The following AHCTF1 variants were observed in gnomAD, a reference collection of about 807,000 sequenced individuals.
The protein encoded by AHCTF1 is AT-hook containing transcription factor 1.
AHCTF1 carries 24 observed loss-of-function variants against 248.4 expected under a neutral mutation model. The observed-to-expected ratio is 0.10, with a 90% CI of 0.07 to 0.14. AHCTF1 has a LOEUF of 0.14. AHCTF1 is among the 10% of genes least tolerant of loss of function. The probability of loss-of-function intolerance (pLI) is 1.00; values close to 1 mark genes in which losing one functional copy is unlikely to be tolerated. For synonymous variants in AHCTF1, 786 were observed against 929.8 expected (o/e 0.85, Z 2.81); for missense variants, 2,206 against 2,636.2 (o/e 0.84, Z 3.57).
In AHCTF1 at chr1:246,857,758, C is replaced by T; in HGVS notation, c.4189G>A (p.Glu1397Lys). ...DLLVAAEAFSELNHLSPVQGT... is the reference protein window; with the variant it reads ...DLLVAAEAFSKLNHLSPVQGT... ...TGAACCGGGCTTAAGTGATTCAATT[C>T]TGAAAATGCCTCTGCTGCAACTAAG... The change falls in exon 30 of 36, where the codon GAA becomes AAA. Residue 1397 changes from glutamate to lysine, a missense_variant. By Grantham distance (56) the Glu-to-Lys change is moderately conservative. This residue lies in a region of AHCTF1 where 955 missense variants were observed against 1,055.6 expected (regional missense o/e 0.90). Coordinates refer to ENST00000648844, the MANE Select transcript of AHCTF1 (RefSeq NM_001323342.2). 6.2e-7 allele frequency: 1 copy of T among 1,613,852 alleles called. No homozygotes were observed. The highest frequency in any genetic ancestry group is 8.5e-7 in the Non-Finnish European group (1 of 1,179,828).
chr1:246,891,972 T>C (rs1008710545), intron 14 of AHCTF1, 53 bp from the exon 15 acceptor site: 3 of 1,529,186 alleles, frequency 2.0e-6, no homozygotes, highest in Non-Finnish European at 2.6e-6. Context: ...CTAAATAAAT[T>C]AGAATCACAA....
chr1:246,860,923 G>T lies in AHCTF1; in HGVS notation c.4108C>A (p.Pro1370Thr), dbSNP rs764885624. ...CCCATTTGTTTCTGTAGGTCTGAAG[G>T]AGTTACTTCTGATGCAAATACATCT... ...DKDVFASEVTPSDLQKQMGNL... is the reference protein window; with the variant it reads ...DKDVFASEVTTSDLQKQMGNL... Residue 1370 changes from proline (P) to threonine (T), a missense_variant, in exon 29 of 36, where the codon CCT (proline) becomes ACT (threonine). This residue lies in a region of AHCTF1 where 955 missense variants were observed against 1,055.6 expected (regional missense o/e 0.90). Transcript: ENST00000648844. 4 of 1,611,146 alleles carry T rather than the reference G, an allele frequency of 2.5e-6. No individual in the cohort carries two copies. The Admixed American group carries it at 6.7e-5, about 27-fold the overall frequency.
intron 8 of AHCTF1, among the ~76,000 whole-genome samples, chr1:246,901,594 A>G (rs529419649): frequency 2.8e-4 from 42 of 152,280 alleles, no homozygotes; most frequent in African/African-American, 7.2e-4. Flanking sequence ...ACTGCACTGG[A>G]CAGAGCGAGA....
chr1:246,841,447 TTATATG>T (rs1659856141), intron 35 of AHCTF1, among the ~76,000 whole-genome samples: 1 of 152,146 alleles, frequency 6.6e-6, no homozygotes, highest in African/African-American at 2.4e-5. Flanking sequence ...ATACGCCAGT[TTATATG>T]TAAACAGTGG....
chr1:246,851,308 G>A lies in AHCTF1; in HGVS notation c.4698C>T (p.Asp1566=). 6.2e-7 allele frequency: 1 copy of A among 1,614,058 alleles called. No homozygotes were observed. Among genetic ancestry groups the A allele is most frequent in the Middle Eastern group, 1.7e-4 (1 of 6,052 alleles). ...CAGCAGTGTCTTTGTTATCAGCTAA[G>A]TCACAAAACTGTTGGTCAATAGTAT... ...NFDTIDQQFC[D]LADNKDTAEC... The change falls in exon 33 of 36, where the codon GAC becomes GAT. Residue 1566 remains aspartate, a synonymous_variant. Transcript: ENST00000648844.
intron 1 of AHCTF1, among the ~76,000 whole-genome samples, chr1:246,923,414 A>AAAAT (rs545047099): frequency 2.0e-5 from 3 of 152,052 alleles, no homozygotes; most frequent in African/African-American, 4.8e-5. Context: ...CTCTGTCCCA[A>AAAAT]AAATAAATAA....
At chr1:246,879,124 G>GA (rs1663207238) in intron 21 of AHCTF1, among the ~76,000 whole-genome samples, 1 of 151,906 alleles carries the variant, frequency 6.6e-6, no homozygotes, top group Non-Finnish European at 1.5e-5. Flanking sequence ...AAATCAGTAA[G>GA]AAAAATCCCA....
At chr1:246,881,863 A>C (rs575381379) in intron 21 of AHCTF1, among the ~76,000 whole-genome samples, 1,547 of 143,438 alleles carry the variant, frequency 0.011, 34 homozygotes, top group African/African-American at 0.036. Context: ...AAAAAAAAAC[A>C]AAAAAAAAAG....
intron 1 of AHCTF1, among the ~76,000 whole-genome samples, chr1:246,927,157 G>T (rs560191260): frequency 7.1e-4 from 107 of 150,222 alleles, no homozygotes; most frequent in Non-Finnish European, 1.5e-3. Flanking sequence ...CAGCCTGGGC[G>T]ACAGAGCGAG....
At chr1:246,916,585 T>G (rs1010696393) in intron 2 of AHCTF1, among the ~76,000 whole-genome samples, 190 bp from the exon 3 acceptor site, 1 of 152,028 alleles carries the variant, frequency 6.6e-6, no homozygotes, top group African/African-American at 2.4e-5. Flanking sequence ...ACCTGGGAGG[T>G]GGAGCTTGGA....
Position 246,848,547 on chromosome 1 carries a change from T to G in AHCTF1, c.6391+1068A>C, listed in dbSNP as rs533988088. ...AGGTCCTGAACTGCTTTGCTGAAAT[T>G]CAAATATTAAACTGTAACTTAAATA... On this transcript the variant is annotated intron_variant, in intron 33 of 35. Transcript: ENST00000648844. Among the ~76,000 whole-genome samples the G allele has an allele frequency of 5.3e-5, 8 of 150,392 alleles. No homozygotes were observed. In the East Asian group the frequency reaches 1.6e-3, roughly 30 times the overall value.
At chr1:246,927,110 G>A (rs1314714069) in intron 1 of AHCTF1, among the ~76,000 whole-genome samples, 3 of 151,846 alleles carry the variant, frequency 2.0e-5, no homozygotes, top group African/African-American at 4.8e-5. Context: ...CCCGGGAGGC[G>A]GAGCTTGCAG....
chr1:246,882,219 G>C (rs975063142), intron 21 of AHCTF1, among the ~76,000 whole-genome samples: 1 of 151,106 alleles, frequency 6.6e-6, no homozygotes, highest in African/African-American at 2.4e-5. Flanking sequence ...GGATGGTCTC[G>C]ATCTCCTGAC....
At chr1:246,884,739 A>C (rs1203736179) in intron 21 of AHCTF1, among the ~76,000 whole-genome samples, 1 of 152,230 alleles carries the variant, frequency 6.6e-6, no homozygotes, top group Non-Finnish European at 1.5e-5. Context: ...GGCAGAAACA[A>C]AGGTATCACT....
intron 24 of AHCTF1, 80 bp from the exon 25 acceptor site, chr1:246,867,891 A>ACACC (rs1385275742): frequency 6.0e-6 from 2 of 332,388 alleles, no homozygotes; most frequent in African/African-American, 1.5e-4. Context: ...GAATGATTAC[A>ACACC]CCCCCCCCCC....
rs1779976 is a variant in AHCTF1 at position 246,888,139 on chromosome 1, G to C, written c.2325+38C>G. 3.1e-6 allele frequency: 5 copies of C among 1,590,618 alleles called. No individual in the cohort carries two copies. The South Asian group carries it at 5.6e-5, about 18-fold the overall frequency. On this transcript the variant is annotated intron_variant, in intron 19 of 35. Coordinates refer to ENST00000648844, the MANE Select transcript of AHCTF1 (RefSeq NM_001323342.2). ...CTACTCTTGAAATTTTATAATTTTAGTAATACATGAAACACTGGATAAAAC... is the reference window on the plus strand; with the variant it reads ...CTACTCTTGAAATTTTATAATTTTACTAATACATGAAACACTGGATAAAAC...
In AHCTF1 at chr1:246,842,669, T is replaced by G. The variant is rs772635772; in HGVS notation, c.6608+25A>C. 5.0e-6 allele frequency: 8 copies of G among 1,602,142 alleles called. No homozygotes were observed. The South Asian group carries it at 6.6e-5, about 13-fold the overall frequency. ...GAGACTGTCTCAATCAATCAATCAA[T>G]CAAGAACAGAACAGAAAGTCATACT... On this transcript the variant is annotated intron_variant, in intron 35 of 35. Coordinates refer to ENST00000648844, the MANE Select transcript of AHCTF1 (RefSeq NM_001323342.2).
At chr1:246,847,093 C>G (rs753874920) in intron 33 of AHCTF1, among the ~76,000 whole-genome samples, 1 of 152,130 alleles carries the variant, frequency 6.6e-6, no homozygotes, top group Non-Finnish European at 1.5e-5. Context: ...TTGAGACTAG[C>G]TTGGCCAACA....
intron 1 of AHCTF1, chr1:246,931,281 C>G: frequency 6.5e-7 from 1 of 1,548,130 alleles, no homozygotes; most frequent in Non-Finnish European, 8.7e-7. Context: ...TAAAGGGACC[C>G]GACTGCCGGC....
Sources: allele counts gnomAD v4.1 joint callset (sites outside exome capture counted in the v4.1 genomes callset), GRCh38; gene constraint gnomAD v4.1.1; regional missense constraint gnomAD v4.1.1; transcripts MANE v1.5; gene names NCBI Gene and HGNC (gene_info 2026-07-23, HGNC 2026-07-21).